ADCY3: variants seen among roughly 807,000 people sequenced by gnomAD.
ADCY3 encodes the protein adenylate cyclase 3.
A neutral mutation model predicts 119.4 loss-of-function variants in ADCY3; 70 were observed. That is an observed-to-expected ratio of 0.59 (90% CI 0.48 to 0.72). The LOEUF is 0.72. Ranked by LOEUF, ADCY3 falls within the 30% of genes least tolerant of loss-of-function variation. The pLI, the probability that ADCY3 is intolerant of heterozygous loss-of-function variation, is 0.00. For missense variants in ADCY3, 1,238 were observed against 1,541.6 expected (o/e 0.80, Z 3.30); for synonymous variants, 672 against 621.4 (o/e 1.08, Z -1.21).
In ADCY3 at chr2:24,920,223, G is replaced by T. The variant is rs1270087134; in HGVS notation, c.-738C>A. ...TCCCCGCGCGGCGCCGGCGGCTCCG[G>T]GGCCACGCGCGCTCCAGGCCCCGGG... On this transcript the variant is annotated 5_prime_UTR_variant, in exon 1 of 22. Transcript: ENST00000679454. The surrounding 1 kb of genome is among the most constrained non-coding windows in gnomAD (Gnocchi z 4.5). Among the ~76,000 whole-genome samples, 1 of 145,444 alleles carries T rather than the reference G, an allele frequency of 6.9e-6. No individual in the cohort carries two copies. The highest frequency in any genetic ancestry group is 1.5e-5 in the Non-Finnish European group (1 of 65,456).
At chr2:24,917,143 G>A (rs1664557166) in intron 2 of ADCY3, among the ~76,000 whole-genome samples, 1 of 152,224 alleles carries the variant, frequency 6.6e-6, no homozygotes, top group Non-Finnish European at 1.5e-5. Context: ...TCCACCCTGG[G>A]CCTGCACATA....
chr2:24,820,720 A>G lies in ADCY3; in HGVS notation c.3252+4T>C, dbSNP rs1208193857. On this transcript the variant is annotated splice_donor_region_variant and intron_variant, in intron 21 of 21. Transcript: ENST00000679454. Reference sequence around the variant, plus strand: ...GCACGTGCCAGCTGTGCCACTGGACATACCTGAATGTTGCCCATGACCCCC... The same window carrying G: ...GCACGTGCCAGCTGTGCCACTGGACGTACCTGAATGTTGCCCATGACCCCC... 6.8e-6 allele frequency: 11 copies of G among 1,614,042 alleles called. No individual in the cohort carries two copies. Among genetic ancestry groups the G allele is most frequent in the Admixed American group, 1.7e-5 (1 of 60,008 alleles).
At chr2:24,862,555 AAATT>A (rs1162134222) in intron 3 of ADCY3, among the ~76,000 whole-genome samples, 1 of 151,686 alleles carries the variant, frequency 6.6e-6, no homozygotes, top group East Asian at 1.9e-4. Flanking sequence ...CAAAAAAAAA[AAATT>A]AATTAATTAA....
intron 17 of ADCY3, among the ~76,000 whole-genome samples, chr2:24,824,115 G>T (rs1572785627): frequency 6.6e-6 from 1 of 152,272 alleles, no homozygotes; most frequent in Non-Finnish European, 1.5e-5. Context: ...GCAACAGAAA[G>T]GTGGGCTCTA....
intron 2 of ADCY3, among the ~76,000 whole-genome samples, chr2:24,879,736 A>G (rs1676162402): frequency 6.6e-6 from 1 of 152,176 alleles, no homozygotes; most frequent in African/African-American, 2.4e-5. Flanking sequence ...CAGCGCTGAG[A>G]CCGGAACCCA....
chr2:24,875,988 G>GA (rs1009935647), intron 2 of ADCY3, among the ~76,000 whole-genome samples: 2 of 150,770 alleles, frequency 1.3e-5, no homozygotes, highest in African/African-American at 4.9e-5. Flanking sequence ...CTTCTTTTTG[G>GA]GAGGGGGGCG....
intron 3 of ADCY3, among the ~76,000 whole-genome samples, chr2:24,853,464 CATCTT>C (rs1451403673): frequency 1.4e-5 from 2 of 145,670 alleles, no homozygotes; most frequent in South Asian, 2.1e-4. Flanking sequence ...AAACGCGCCT[CATCTT>C]TTTTTTTTTT....
chr2:24,830,657 C>A, intron 13 of ADCY3, 52 bp downstream of exon 13: 1 of 1,442,318 alleles, frequency 6.9e-7, no homozygotes, highest in Non-Finnish European at 9.7e-7. Flanking sequence ...AACAGAAGCC[C>A]TTCTCCACTG....
intron 3 of ADCY3, among the ~76,000 whole-genome samples, chr2:24,847,747 T>C (rs113778766): frequency 0.018 from 2,795 of 152,234 alleles, 79 homozygotes; most frequent in African/African-American, 0.064. Flanking sequence ...GATGAGCCTC[T>C]AGGAAGGTTT....
intron 14 of ADCY3, 31 bp downstream of exon 14, chr2:24,827,871 A>T (rs1668846165): frequency 6.2e-7 from 1 of 1,612,366 alleles, no homozygotes; most frequent in Non-Finnish European, 8.5e-7. Context: ...GGAAGGAGAC[A>T]ATACAGATCC....
rs768279980 is a variant in ADCY3, at chr2:24,822,484, ATC to A, written c.3003+25_3003+26del. Reference sequence around the variant, plus strand: ...TCTCTTGCCTTGGGGGCAGAGCCTCATCTCTCTGGCTACTGGGGTTAGCTACC... The same window carrying A: ...TCTCTTGCCTTGGGGGCAGAGCCTCATCTCTGGCTACTGGGGTTAGCTACC... On this transcript the variant is annotated intron_variant, in intron 19 of 21. Transcript: ENST00000679454. The A allele has an allele frequency of 8.5e-4, 1,368 of 1,609,452 alleles. 2 individuals are homozygous for A. The highest frequency in any genetic ancestry group is 1.0e-3 in the Non-Finnish European group (1,191 of 1,176,404).
chr2:24,911,157 A>G (rs1158498931), intron 2 of ADCY3, among the ~76,000 whole-genome samples: 1 of 151,066 alleles, frequency 6.6e-6, no homozygotes, highest in Non-Finnish European at 1.5e-5. Flanking sequence ...GGGTTGAGAA[A>G]CCAAAACCCT....
chr2:24,871,030 A>G (rs1572945359), intron 3 of ADCY3, among the ~76,000 whole-genome samples: 1 of 152,158 alleles, frequency 6.6e-6, no homozygotes, highest in Non-Finnish European at 1.5e-5. Context: ...GATGTCCTAG[A>G]TTGTACAATA....
chr2:24,911,218 T>TC (rs1491199012), intron 2 of ADCY3, among the ~76,000 whole-genome samples: 16 of 73,496 alleles, frequency 2.2e-4, no homozygotes, highest in Non-Finnish European at 3.6e-4. Flanking sequence ...ATAAGGGTTC[T>TC]TTTTTTTTTT....
intron 17 of ADCY3, 47 bp from the exon 18 acceptor site, chr2:24,823,402 G>A: frequency 1.3e-6 from 2 of 1,588,094 alleles, no homozygotes; most frequent in African/African-American, 1.4e-5. Context: ...CCGACTGACT[G>A]GATGATGTGT....
At chr2:24,827,124 T>C (rs757675200) in intron 15 of ADCY3, among the ~76,000 whole-genome samples, 1 of 152,206 alleles carries the variant, frequency 6.6e-6, no homozygotes, top group Non-Finnish European at 1.5e-5. Flanking sequence ...CATGGAATCA[T>C]AAAATTTTAA....
At chr2:24,905,482 C>G (rs6706316) in intron 2 of ADCY3, among the ~76,000 whole-genome samples, 79,670 of 152,100 alleles carry the variant, frequency 0.52, 23,093 homozygotes, top group African/African-American at 0.79. Context: ...TTGAATATGG[C>G]TATTTATTAA....
rs374127927 is a variant in ADCY3, at chr2:24,828,038, T to C, written c.2296A>G (p.Ile766Val). 6.2e-7 allele frequency: 1 copy of C among 1,614,252 alleles called. No homozygotes were observed. Among genetic ancestry groups the C allele is most frequent in the Non-Finnish European group, 8.5e-7 (1 of 1,180,044 alleles). The change falls in exon 14 of 22, where the codon ATC becomes GTC. Residue 766 changes from isoleucine to valine, a missense_variant. Coordinates refer to ENST00000679454, the MANE Select transcript of ADCY3 (RefSeq NM_004036.5). ...YVAVLSLIAT[I>V]MLVQVSHMVK... ...ATGTGGCTGACCTGCACCAGCATGA[T>C]GGTGGCGATGAGGGACAGCACGGCC...
intron 2 of ADCY3, among the ~76,000 whole-genome samples, chr2:24,916,461 A>T (rs1275850825): frequency 6.6e-6 from 1 of 152,240 alleles, no homozygotes; most frequent in Non-Finnish European, 1.5e-5. Context: ...AGGCGGGCGG[A>T]TTATGAGGTC....
Sources: allele counts gnomAD v4.1 joint callset (sites outside exome capture counted in the v4.1 genomes callset), GRCh38; gene constraint gnomAD v4.1.1; non-coding constraint Gnocchi (gnomAD v3.1); transcripts MANE v1.5; gene names NCBI Gene and HGNC (gene_info 2026-07-23, HGNC 2026-07-21).